USP40: variants seen among roughly 807,000 people sequenced by gnomAD.
USP40 encodes ubiquitin specific peptidase 40.
A neutral mutation model predicts 166.2 loss-of-function variants in USP40; 143 were observed. The ratio of observed to expected loss-of-function variants is 0.86; its 90% CI spans 0.75 to 0.99. The LOEUF is 0.99. USP40 is among the 50% of genes least tolerant of loss of function. The pLI is 0.00. For synonymous variants in USP40, 498 were observed against 524.0 expected (o/e 0.95, Z 0.68); for missense variants, 1,444 against 1,479.7 (o/e 0.98, Z 0.40).
chr2:233,510,392 CTT>C (rs1158427662), intron 20 of USP40, among the ~76,000 whole-genome samples: 7 of 68,680 alleles, frequency 1.0e-4, no homozygotes, highest in African/African-American at 4.8e-4. Context: ...CTTTTTCTTT[CTT>C]TTTTTTTTTT....
chr2:233,486,067 A>G lies in USP40; in HGVS notation c.3198-90T>C. ...GCATAATGGGCAAAGCTTCTCCTCC[A>G]GCTTTTCTGGTTTTTATAAGGAGAG... On this transcript the variant is annotated intron_variant, in intron 28 of 31. Coordinates refer to ENST00000678225, the MANE Select transcript of USP40 (RefSeq NM_001365479.2). This position sits in a 1 kb window ranked among gnomAD's most constrained non-coding sequence, Gnocchi z 4.0. 7.2e-7 allele frequency: 1 copy of G among 1,390,010 alleles called. No homozygotes were observed. The highest frequency in any genetic ancestry group is 9.6e-7 in the Non-Finnish European group (1 of 1,039,026). The allele number at this position is 1,390,010 out of a possible 1,614,324, so 86.1% of individuals were successfully genotyped here. A position where few individuals can be genotyped will look rare whatever the true frequency, so the allele number is the denominator to read the frequency against.
chr2:233,495,610 G>A (rs984549931), intron 24 of USP40, among the ~76,000 whole-genome samples: 2 of 152,022 alleles, frequency 1.3e-5, no homozygotes, highest in African/African-American at 4.8e-5. Context: ...AAAAAATGAG[G>A]TGGGAAAAGC....
At chr2:233,494,967 TA>T (rs2065647446) in intron 24 of USP40, among the ~76,000 whole-genome samples, 1 of 67,806 alleles carries the variant, frequency 1.5e-5, no homozygotes, top group Non-Finnish European at 2.8e-5. Context: ...TATATATATA[TA>T]TATATATATA....
rs534511715 is a variant in USP40, at chr2:233,505,723, T to C, written c.2613+4326A>G. On this transcript the variant is annotated intron_variant, in intron 21 of 31. Transcript: ENST00000678225. ...AAAGCTGAGGACCTAATGGCTTCAC[T>C]GCTGAATTCTACCAAACATTTAAAG... 2.6e-5 allele frequency among the ~76,000 whole-genome samples: 4 copies of C among 152,300 alleles called. No homozygotes were observed. The East Asian group carries it at 5.8e-4, about 22-fold the overall frequency.
chr2:233,480,708 A>C lies in USP40; in HGVS notation c.3599+495T>G, dbSNP rs1461270986. 6.6e-6 allele frequency among the ~76,000 whole-genome samples: 1 copy of C among 152,216 alleles called. No homozygotes were observed. Among genetic ancestry groups the C allele is most frequent in the Non-Finnish European group, 1.5e-5 (1 of 68,024 alleles). On this transcript the variant is annotated intron_variant, in intron 31 of 31. Transcript: ENST00000678225. This position sits in a 1 kb window ranked among gnomAD's most constrained non-coding sequence, Gnocchi z 4.5. ...AGCGGAGTCCTGGCGGCCAGGGGTCAGGCAGTGTCCTGGAGGAAGTGGGGT... is the reference window on the plus strand; with the variant it reads ...AGCGGAGTCCTGGCGGCCAGGGGTCCGGCAGTGTCCTGGAGGAAGTGGGGT...
intron 23 of USP40, 60 bp from the exon 24 acceptor site, chr2:233,496,892 T>C: frequency 7.4e-7 from 1 of 1,350,824 alleles, no homozygotes; most frequent in Non-Finnish European, 1.0e-6. Flanking sequence ...AGATCATTGA[T>C]CTTTTTAAAA....
chr2:233,509,186 AT>A (rs993043345), intron 21 of USP40, among the ~76,000 whole-genome samples: 1 of 152,204 alleles, frequency 6.6e-6, no homozygotes, highest in African/African-American at 2.4e-5. Context: ...TGGAAAAAAA[AT>A]TTTTTAAGAA....
At chr2:233,522,993 T>C (rs1201790563) in intron 16 of USP40, among the ~76,000 whole-genome samples, 177 bp downstream of exon 16, 1 of 152,236 alleles carries the variant, frequency 6.6e-6, no homozygotes, top group South Asian at 2.1e-4. Context: ...CAAAAAATCA[T>C]GTTTTTCTCT....
At chr2:233,521,515 G>A (rs930030853) in intron 16 of USP40, among the ~76,000 whole-genome samples, 4 of 152,128 alleles carry the variant, frequency 2.6e-5, no homozygotes, top group Non-Finnish European at 5.9e-5. Context: ...GCACAAAAGG[G>A]CCACATCTAA....
At chr2:233,521,953 C>G (rs1268351983) in intron 16 of USP40, among the ~76,000 whole-genome samples, 1 of 152,204 alleles carries the variant, frequency 6.6e-6, no homozygotes, top group Non-Finnish European at 1.5e-5. Flanking sequence ...TTTCAATCCT[C>G]TCAAGTCTAT....
intron 8 of USP40, chr2:233,546,938 TA>T (rs2070003424): frequency 6.6e-6 from 1 of 152,202 alleles, no homozygotes; most frequent in Non-Finnish European, 1.5e-5. Flanking sequence ...TAGATGAGGA[TA>T]ACAAGTGTTT....
intron 10 of USP40, among the ~76,000 whole-genome samples, chr2:233,535,955 TG>T (rs2068905755): frequency 6.6e-6 from 1 of 152,226 alleles, no homozygotes; most frequent in African/African-American, 2.4e-5. Context: ...TTTTCTGTAT[TG>T]TATTTGCAAA....
At chr2:233,544,025 A>AT (rs549299679) in intron 8 of USP40, among the ~76,000 whole-genome samples, 427 of 152,320 alleles carry the variant, frequency 2.8e-3, no homozygotes, top group African/African-American at 9.9e-3. Context: ...CACAGACTCC[A>AT]TAAGTTGAGG....
intron 5 of USP40, among the ~76,000 whole-genome samples, chr2:233,555,840 C>G (rs144753062): frequency 6.6e-6 from 1 of 151,874 alleles, no homozygotes; most frequent in Non-Finnish European, 1.5e-5. Context: ...TTGGGCCAGG[C>G]GCGGTGGCTC....
At chr2:233,512,285 G>T (rs1042981211) in intron 19 of USP40, 1 of 222,170 alleles carries the variant, frequency 4.5e-6, no homozygotes, top group East Asian at 9.6e-5. Context: ...ACAAAAAAAT[G>T]GAAAAATTTT....
chr2:233,518,517 A>G (rs1384528500), intron 18 of USP40, among the ~76,000 whole-genome samples: 1 of 148,400 alleles, frequency 6.7e-6, no homozygotes, highest in Non-Finnish European at 1.5e-5. Context: ...CAGTGAGCGG[A>G]GATCGTGTCA....
rs1559214491 is a variant in USP40, at chr2:233,486,052, C to CAAAGGCGG, written c.3198-76_3198-75insCCGCCTTT. On this transcript the variant is annotated intron_variant, in intron 28 of 31. Coordinates refer to ENST00000678225, the MANE Select transcript of USP40 (RefSeq NM_001365479.2). This position sits in a 1 kb window ranked among gnomAD's most constrained non-coding sequence, Gnocchi z 4.0. ...ACGTGGTAACTTGAGGCATAATGGG[C>CAAAGGCGG]AAAGCTTCTCCTCCAGCTTTTCTGG... The CAAAGGCGG allele has an allele frequency of 6.9e-7, 1 of 1,443,728 alleles. No individual in the cohort carries two copies. The highest frequency in any genetic ancestry group is 1.5e-5 in the African/African-American group (1 of 68,854). The allele number at this position is 1,443,728 out of a possible 1,614,324, so 89.4% of individuals were successfully genotyped here. A position where few individuals can be genotyped will look rare whatever the true frequency, so the allele number is the denominator to read the frequency against.
intron 20 of USP40, 26 bp downstream of exon 20, chr2:233,511,683 T>G: frequency 6.3e-7 from 1 of 1,589,482 alleles, no homozygotes; most frequent in African/African-American, 1.3e-5. Flanking sequence ...GTTGATTTTG[T>G]TTTGAAACAG....
rs111651774 is a variant in USP40, at chr2:233,536,951, C to G, written c.1171-3172G>C. On this transcript the variant is annotated intron_variant, in intron 10 of 31. Transcript: ENST00000678225. ...CCCAGTCTGCAGTGCAGTGCATGAT[C>G]ATAGCTCACTGCAGCCTCAGACTCT... Among the ~76,000 whole-genome samples, 696 of 152,144 alleles carry G rather than the reference C, an allele frequency of 4.6e-3. 3 individuals are homozygous for G. Among genetic ancestry groups the G allele is most frequent in the Non-Finnish European group, 8.1e-3 (548 of 68,000 alleles).
Sources: gnomAD v4.1 joint callset for allele counts (sites outside exome capture counted in the v4.1 genomes callset) on GRCh38, gnomAD v4.1.1 for gene constraint, Gnocchi (gnomAD v3.1) non-coding constraint, MANE v1.5 for transcripts, NCBI Gene and HGNC (gene_info 2026-07-23, HGNC 2026-07-21) for gene names.